ERBB4: variants seen among roughly 807,000 people sequenced by gnomAD.
ERBB4 encodes erb-b2 receptor tyrosine kinase 4.
A neutral mutation model predicts 158.0 loss-of-function variants in ERBB4; 42 were observed. That is an observed-to-expected ratio of 0.27 (90% CI 0.21 to 0.34). The LOEUF is 0.34. Ranked by LOEUF, ERBB4 falls within the 10% of genes least tolerant of loss-of-function variation. ERBB4 has a pLI of 1.00. For synonymous variants in ERBB4, 583 were observed against 558.7 expected (o/e 1.04, Z -0.61); for missense variants, 1,333 against 1,624.1 (o/e 0.82, Z 3.08).
At chr2:211,568,941 C>G (rs888232344) in intron 19 of ERBB4, among the ~76,000 whole-genome samples, 11 of 152,250 alleles carry the variant, frequency 7.2e-5, no homozygotes, top group Middle Eastern at 3.4e-3. Flanking sequence ...AAATCTGCAT[C>G]TGTTCCTTCA....
At chr2:211,536,480 G>A (rs1442962726) in intron 20 of ERBB4, among the ~76,000 whole-genome samples, 1 of 152,012 alleles carries the variant, frequency 6.6e-6, no homozygotes, top group East Asian at 1.9e-4. Flanking sequence ...TGACTTGAAA[G>A]GCAAACACTT....
At chr2:212,507,897 C>G (rs112207909) in intron 1 of ERBB4, among the ~76,000 whole-genome samples, 1 of 152,062 alleles carries the variant, frequency 6.6e-6, no homozygotes, top group African/African-American at 2.4e-5. Flanking sequence ...TTATATTGTG[C>G]GTAAAATGCT....
intron 1 of ERBB4, among the ~76,000 whole-genome samples, chr2:212,261,036 T>A (rs12466455): frequency 0.11 from 17,305 of 152,166 alleles, 1,264 homozygotes; most frequent in South Asian, 0.32. Context: ...AAACCTGGGT[T>A]CTATAATAAT....
intron 1 of ERBB4, among the ~76,000 whole-genome samples, chr2:212,354,820 A>C (rs1236758651): frequency 6.6e-6 from 1 of 152,102 alleles, no homozygotes; most frequent in African/African-American, 2.4e-5. Context: ...TTACCAACTT[A>C]AGTTGGGTTT....
chr2:212,098,579 A>T (rs1459438376), intron 2 of ERBB4, among the ~76,000 whole-genome samples: 1 of 152,152 alleles, frequency 6.6e-6, no homozygotes, highest in Non-Finnish European at 1.5e-5. Context: ...GCTTGTTTGT[A>T]TTAAAAGACC....
At chr2:211,840,750 T>C (rs570951435) in intron 3 of ERBB4, among the ~76,000 whole-genome samples, 2 of 152,222 alleles carry the variant, frequency 1.3e-5, no homozygotes, top group Admixed American at 1.3e-4. Flanking sequence ...TGGATTTATG[T>C]CCAATATCAT....
chr2:212,003,206 A>G (rs1301237325), intron 2 of ERBB4, among the ~76,000 whole-genome samples: 850 of 47,014 alleles, frequency 0.018, 77 homozygotes, highest in East Asian at 0.054. Flanking sequence ...AGAAAGAAAG[A>G]CAGAAAGAAG....
intron 20 of ERBB4, among the ~76,000 whole-genome samples, chr2:211,527,899 A>G (rs1464386606): frequency 6.6e-6 from 1 of 152,030 alleles, no homozygotes; most frequent in Non-Finnish European, 1.5e-5. Context: ...AAGTCCTCTA[A>G]TCAGAGAAAG....
chr2:212,403,949 T>A (rs1190279144), intron 1 of ERBB4, among the ~76,000 whole-genome samples: 1 of 152,064 alleles, frequency 6.6e-6, no homozygotes, highest in African/African-American at 2.4e-5. Context: ...ACTTCTCTGA[T>A]ACTTGCTCCT....
At chr2:212,361,519 C>A (rs534868708) in intron 1 of ERBB4, among the ~76,000 whole-genome samples, 1 of 151,642 alleles carries the variant, frequency 6.6e-6, no homozygotes, top group Non-Finnish European at 1.5e-5. Context: ...AATGTTATGG[C>A]AGATTAATTC....
At chr2:211,937,436 CACTT>C (rs1559139207) in intron 3 of ERBB4, among the ~76,000 whole-genome samples, 3 of 152,206 alleles carry the variant, frequency 2.0e-5, no homozygotes, top group South Asian at 4.1e-4. Flanking sequence ...CTTCTATTAA[CACTT>C]ACTTCTTTCA....
chr2:211,557,972 T>C (rs1189114363), intron 20 of ERBB4, among the ~76,000 whole-genome samples: 1 of 152,136 alleles, frequency 6.6e-6, no homozygotes, highest in Non-Finnish European at 1.5e-5. Flanking sequence ...TGCAGGAACA[T>C]GGATGGAGCT....
At chr2:211,641,586 C>T (rs2070593767) in intron 16 of ERBB4, among the ~76,000 whole-genome samples, 1 of 151,994 alleles carries the variant, frequency 6.6e-6, no homozygotes, top group South Asian at 2.1e-4. Flanking sequence ...AATATTAAAG[C>T]TTAAAGAAAA....
intron 1 of ERBB4, among the ~76,000 whole-genome samples, chr2:212,224,814 T>C (rs553004078): frequency 1.2e-4 from 18 of 152,220 alleles, no homozygotes; most frequent in Admixed American, 1.1e-3. Context: ...AACTGAAAAT[T>C]TACTGTCTGA....
At chr2:211,687,895 T>C (rs2072631171) in intron 12 of ERBB4, among the ~76,000 whole-genome samples, 1 of 152,222 alleles carries the variant, frequency 6.6e-6, no homozygotes, top group Non-Finnish European at 1.5e-5. Context: ...AAGGTAAAAG[T>C]ATGTTTCCTC....
At chr2:212,531,008 A>G (rs144574449) in intron 1 of ERBB4, among the ~76,000 whole-genome samples, 14 of 152,254 alleles carry the variant, frequency 9.2e-5, no homozygotes, top group African/African-American at 3.4e-4. Context: ...GCATATTCCT[A>G]TTGGTGTTTA....
intron 3 of ERBB4, among the ~76,000 whole-genome samples, chr2:211,858,581 A>T (rs2077931033): frequency 8.7e-6 from 1 of 115,362 alleles, no homozygotes; most frequent in Admixed American, 8.9e-5. Context: ...ATCATGGCTC[A>T]CAAAAAGCCA....
chr2:211,725,816 G>T (rs1318522358), intron 5 of ERBB4, among the ~76,000 whole-genome samples: 1 of 142,270 alleles, frequency 7.0e-6, no homozygotes, highest in South Asian at 2.3e-4. Context: ...TATTTTACAC[G>T]AGGAAAGAAA....
intron 2 of ERBB4, among the ~76,000 whole-genome samples, chr2:212,096,359 G>A (rs1212757314): frequency 2.0e-5 from 3 of 152,034 alleles, no homozygotes; most frequent in Non-Finnish European, 4.4e-5. Context: ...AGAAAATAAA[G>A]GAGTATGCCA....
Sources: allele counts gnomAD v4.1 joint callset (sites outside exome capture counted in the v4.1 genomes callset), GRCh38; gene constraint gnomAD v4.1.1; transcripts MANE v1.5; gene names NCBI Gene and HGNC (gene_info 2026-07-23, HGNC 2026-07-21).